The following TAFA1 variants were observed in gnomAD, a reference collection of about 807,000 sequenced individuals.
The protein encoded by TAFA1 is TAFA chemokine like family member 1.
In TAFA1, 4 loss-of-function variants were observed where a neutral mutation model predicts 18.5. The ratio of observed to expected loss-of-function variants is 0.22; its 90% confidence interval spans 0.11 to 0.49. The LOEUF is 0.49. TAFA1 is among the 20% of genes least tolerant of loss of function. The probability of loss-of-function intolerance (pLI) is 0.98; values close to 1 mark genes in which losing one functional copy is unlikely to be tolerated. For missense variants in TAFA1, 147 were observed against 169.0 expected (o/e 0.87, Z 0.72); for synonymous variants, 56 against 55.2 (o/e 1.01, Z -0.06).
intron 2 of TAFA1, among the ~76,000 whole-genome samples, chr3:68,385,540 C>A (rs182939825): frequency 7.1e-4 from 108 of 152,176 alleles, no homozygotes; most frequent in Admixed American, 1.7e-3. Context: ...ATACACTATT[C>A]GTTTCTGCCT....
intron 2 of TAFA1, among the ~76,000 whole-genome samples, chr3:68,103,138 T>G (rs1575617481): frequency 1.3e-5 from 2 of 152,204 alleles, no homozygotes; most frequent in African/African-American, 4.8e-5. Context: ...TTCCCTGCAG[T>G]GCAGGCTGGA....
intron 2 of TAFA1, among the ~76,000 whole-genome samples, chr3:68,052,791 A>G (rs766450860): frequency 8.7e-4 from 133 of 152,238 alleles, no homozygotes; most frequent in Non-Finnish European, 1.6e-3. Flanking sequence ...ATTTTCAAAA[A>G]GGTAAAATCA....
chr3:68,001,034 C>T (rs1324195109), upstream of TAFA1, among the ~76,000 whole-genome samples: 2 of 152,116 alleles, frequency 1.3e-5, no homozygotes, highest in African/African-American at 4.8e-5. Context: ...CCAAAGCAAA[C>T]ATTTTCATGA....
intron 2 of TAFA1, among the ~76,000 whole-genome samples, chr3:68,394,624 G>C (rs962053967): frequency 1.3e-5 from 2 of 152,040 alleles, no homozygotes; most frequent in African/African-American, 2.4e-5. Flanking sequence ...CAGTGGAACA[G>C]AACAGAGGCC....
intron 2 of TAFA1, among the ~76,000 whole-genome samples, chr3:68,342,073 T>G (rs1388586905): frequency 6.6e-6 from 1 of 152,144 alleles, no homozygotes; most frequent in East Asian, 1.9e-4. Context: ...TATGAATGGG[T>G]GGAAGGCTTC....
Position 68,259,266 on chromosome 3 carries a change from T to TAAAG in TAFA1, c.119-158014_119-158013insAAAG, listed in dbSNP as rs1422104771. Among the ~76,000 whole-genome samples, 32 of 152,320 alleles carry TAAAG rather than the reference T, an allele frequency of 2.1e-4. 1 individual carries two copies. Among genetic ancestry groups the TAAAG allele is most frequent in the South Asian group, 1.7e-3 (8 of 4,828 alleles). The stretch of plus-strand genomic sequence containing the variant: ...TACTTTCCTTTTCAATTTAACCTCT[T>TAAAG]TAGTTCAACAATGTAACACTTGTGG... On this transcript the variant is annotated intron_variant, in intron 2 of 4. Transcript: ENST00000478136.
intron 2 of TAFA1, among the ~76,000 whole-genome samples, chr3:68,117,621 T>C (rs368163222): frequency 2.0e-5 from 3 of 152,334 alleles, no homozygotes; most frequent in Non-Finnish European, 4.4e-5. Flanking sequence ...GTCTCTTCTT[T>C]AGTAACCAGA....
chr3:68,000,852 T>C (rs1037554646), upstream of TAFA1, among the ~76,000 whole-genome samples: 2 of 152,194 alleles, frequency 1.3e-5, no homozygotes, highest in Non-Finnish European at 2.9e-5. Context: ...ACTGATTGGA[T>C]GCAGAAGTTT....
At chr3:68,260,790 C>A (rs2067402708) in intron 2 of TAFA1, among the ~76,000 whole-genome samples, 1 of 152,088 alleles carries the variant, frequency 6.6e-6, no homozygotes, top group African/African-American at 2.4e-5. Context: ...TAAAGACTTA[C>A]ATGTTAGACC....
intron 3 of TAFA1, among the ~76,000 whole-genome samples, chr3:68,482,448 C>T (rs2072255120): frequency 6.6e-6 from 1 of 152,114 alleles, no homozygotes; most frequent in Admixed American, 6.6e-5. Context: ...AGTGCTGACA[C>T]AGAGGAAAGA....
intron 2 of TAFA1, among the ~76,000 whole-genome samples, chr3:68,239,014 A>G (rs1559571251): frequency 6.6e-6 from 1 of 152,204 alleles, no homozygotes; most frequent in Non-Finnish European, 1.5e-5. Flanking sequence ...AGGCATTCCC[A>G]GATGGAAATA....
intron 3 of TAFA1, 104 bp from the exon 4 acceptor site, chr3:68,538,652 C>A: frequency 8.8e-7 from 1 of 1,136,958 alleles, no homozygotes; most frequent in African/African-American, 1.5e-5. Context: ...TTAAAGAGAA[C>A]TTAGTGTGCT....
intron 2 of TAFA1, among the ~76,000 whole-genome samples, chr3:68,059,272 A>G (rs1191905138): frequency 6.9e-6 from 1 of 144,118 alleles, no homozygotes; most frequent in African/African-American, 2.6e-5. Context: ...ACACGCATGC[A>G]CACACACACA....
chr3:68,312,111 G>A (rs1246400107), intron 2 of TAFA1, among the ~76,000 whole-genome samples: 1 of 152,200 alleles, frequency 6.6e-6, no homozygotes, highest in East Asian at 1.9e-4. Context: ...AGCCATGGCT[G>A]GAGCAGCTGT....
chr3:68,122,490 T>C (rs1005821552), intron 2 of TAFA1, among the ~76,000 whole-genome samples: 8 of 152,172 alleles, frequency 5.3e-5, no homozygotes. Context: ...GAAAAGATTA[T>C]ATGGATCTAG....
chr3:68,080,451 C>T (rs1196536687), intron 2 of TAFA1, among the ~76,000 whole-genome samples: 2 of 151,996 alleles, frequency 1.3e-5, no homozygotes, highest in Non-Finnish European at 2.9e-5. Context: ...ATGGCTGGTA[C>T]CGGTTGTTCC....
intron 3 of TAFA1, among the ~76,000 whole-genome samples, chr3:68,529,268 C>G (rs1255099933): frequency 1.3e-5 from 2 of 151,760 alleles, no homozygotes; most frequent in Non-Finnish European, 1.5e-5. Context: ...AATTCTAGTG[C>G]AAGCATGTAA....
At chr3:68,366,659 A>T (rs532215499) in intron 2 of TAFA1, among the ~76,000 whole-genome samples, 50 of 152,346 alleles carry the variant, frequency 3.3e-4, no homozygotes, top group Non-Finnish European at 5.9e-4. Context: ...CAGACAGTTC[A>T]AATCCAGCTT....
At chr3:68,177,003 A>G (rs2066135093) in intron 2 of TAFA1, among the ~76,000 whole-genome samples, 1 of 152,166 alleles carries the variant, frequency 6.6e-6, no homozygotes, top group Admixed American at 6.5e-5. Flanking sequence ...ACTGGTGATC[A>G]TCGAGAACTG....
Sources: gnomAD v4.1 joint callset for allele counts (sites outside exome capture counted in the v4.1 genomes callset) on GRCh38, gnomAD v4.1.1 for gene constraint, MANE v1.5 for transcripts, NCBI Gene and HGNC (gene_info 2026-07-23, HGNC 2026-07-21) for gene names.